FHIT: variants seen among roughly 807,000 people sequenced by gnomAD.
FHIT encodes the protein fragile histidine triad diadenosine triphosphatase.
Under a neutral mutation model 17.9 loss-of-function variants are expected in FHIT, and 19 were observed. That is an observed-to-expected ratio of 1.06 (90% CI 0.74 to 1.56). The LOEUF is 1.56. Among genes scored for constraint, FHIT ranks in the 40% most tolerant of loss-of-function variants. The probability of loss-of-function intolerance (pLI) is 0.00; values close to 1 mark genes in which losing one functional copy is unlikely to be tolerated. For synonymous variants in FHIT, 81 were observed against 69.7 expected (o/e 1.16, Z -0.81); for missense variants, 248 against 189.2 (o/e 1.31, Z -1.82).
At chr3:61,226,390 T>C (rs2039971589) in intron 1 of FHIT, among the ~76,000 whole-genome samples, 1 of 152,194 alleles carries the variant, frequency 6.6e-6, no homozygotes, top group African/African-American at 2.4e-5. Context: ...CTTCATGCCC[T>C]GATATGGTTA....
At chr3:60,275,997 T>TTC (rs904762733) in intron 5 of FHIT, among the ~76,000 whole-genome samples, 3 of 151,676 alleles carry the variant, frequency 2.0e-5, no homozygotes, top group Non-Finnish European at 4.4e-5. Flanking sequence ...TGCAATTTTT[T>TTC]TTTTTTTTGA....
Position 60,874,150 on chromosome 3 carries a change from C to T in FHIT, c.-110-52139G>A, listed in dbSNP as rs1353680610. Among the ~76,000 whole-genome samples, 2 of 152,022 alleles carry T rather than the reference C, an allele frequency of 1.3e-5. 1 individual carries two copies. Among genetic ancestry groups the T allele is most frequent in the African/African-American group, 4.8e-5 (2 of 41,396 alleles). ...TGAGTCATTTCCTCATCTATCTAGA[C>T]AAGGCTAATGGTAATACCTACATTG... On this transcript the variant is annotated intron_variant, in intron 3 of 9. Transcript: ENST00000492590.
intron 5 of FHIT, among the ~76,000 whole-genome samples, chr3:60,069,362 C>G (rs1318223666): frequency 6.6e-6 from 1 of 151,844 alleles, no homozygotes; most frequent in Admixed American, 6.6e-5. Context: ...TAGTTTAATC[C>G]CAACCTGTTA....
At chr3:60,287,907 A>G (rs1707802365) in intron 5 of FHIT, among the ~76,000 whole-genome samples, 2 of 125,016 alleles carry the variant, frequency 1.6e-5, no homozygotes, top group Non-Finnish European at 3.3e-5. Context: ...ATCTATTGCT[A>G]CTTGACAAAT....
At chr3:60,439,472 C>T (rs1198761680) in intron 5 of FHIT, among the ~76,000 whole-genome samples, 2 of 152,028 alleles carry the variant, frequency 1.3e-5, no homozygotes, top group Non-Finnish European at 2.9e-5. Flanking sequence ...CAAGCTCTAC[C>T]CACCCCGGTT....
intron 8 of FHIT, among the ~76,000 whole-genome samples, chr3:59,844,194 TC>T (rs1403919763): frequency 6.6e-6 from 1 of 152,186 alleles, no homozygotes; most frequent in African/African-American, 2.4e-5. Context: ...TTACTCTGTC[TC>T]AGGTATTCTT....
At position 60,198,572 on chromosome 3, in the gene FHIT, T is replaced by C. The variant is rs563726859; in HGVS notation, c.104-184420A>G. On this transcript the variant is annotated intron_variant, in intron 5 of 9. Coordinates refer to ENST00000492590, the MANE Select transcript of FHIT (RefSeq NM_002012.4). ...TCTTTTACTGGTATTCCAGGGAGACTGCCTGAACACATAATAGGCTCAGCA... is the reference window on the plus strand; with the variant it reads ...TCTTTTACTGGTATTCCAGGGAGACCGCCTGAACACATAATAGGCTCAGCA... 1.1e-3 allele frequency among the ~76,000 whole-genome samples: 175 copies of C among 152,250 alleles called. 1 individual carries two copies. Among genetic ancestry groups the C allele is most frequent in the African/African-American group, 4.0e-3 (165 of 41,550 alleles).
intron 8 of FHIT, among the ~76,000 whole-genome samples, chr3:59,826,956 T>C (rs1701000050): frequency 6.6e-6 from 1 of 152,180 alleles, no homozygotes; most frequent in South Asian, 2.1e-4. Flanking sequence ...TTTATATGCC[T>C]CCCTCAACAG....
At chr3:61,047,723 T>C (rs1216600661) in intron 2 of FHIT, among the ~76,000 whole-genome samples, 2 of 152,184 alleles carry the variant, frequency 1.3e-5, no homozygotes, top group East Asian at 3.8e-4. Flanking sequence ...GCTACCTGAC[T>C]TCAAACTATA....
intron 4 of FHIT, among the ~76,000 whole-genome samples, chr3:60,609,724 C>A (rs1200855170): frequency 3.3e-5 from 5 of 152,122 alleles, no homozygotes; most frequent in Admixed American, 2.6e-4. Flanking sequence ...TCCATCTGGG[C>A]ACCCTTCTTC....
intron 2 of FHIT, among the ~76,000 whole-genome samples, chr3:61,066,505 C>T (rs1489268634): frequency 2.6e-5 from 4 of 152,280 alleles, no homozygotes; most frequent in South Asian, 4.1e-4. Flanking sequence ...GTCCCAGCTA[C>T]TCAGGAAGCT....
chr3:60,590,474 G>C (rs1216598238), intron 4 of FHIT, among the ~76,000 whole-genome samples: 1 of 152,138 alleles, frequency 6.6e-6, no homozygotes, highest in African/African-American at 2.4e-5. Context: ...TTTTCATAGA[G>C]TCCATGCACT....
chr3:61,206,742 T>A (rs955707432), intron 1 of FHIT, among the ~76,000 whole-genome samples: 3 of 151,982 alleles, frequency 2.0e-5, no homozygotes, highest in African/African-American at 4.8e-5. Context: ...GTTTTCTAGA[T>A]ATACAATCAT....
At chr3:60,197,465 G>A (rs1435506654) in intron 5 of FHIT, among the ~76,000 whole-genome samples, 1 of 152,116 alleles carries the variant, frequency 6.6e-6, no homozygotes, top group Non-Finnish European at 1.5e-5. Context: ...AACAGTACTG[G>A]ATTAAAACAA....
chr3:60,734,457 C>T (rs1299315132), intron 4 of FHIT, among the ~76,000 whole-genome samples: 1 of 152,146 alleles, frequency 6.6e-6, no homozygotes, highest in African/African-American at 2.4e-5. Context: ...GGCTGGAGTG[C>T]AGTGATACCA....
intron 2 of FHIT, among the ~76,000 whole-genome samples, chr3:61,196,920 T>TA (rs1304114750): frequency 6.6e-6 from 1 of 152,134 alleles, no homozygotes; most frequent in Non-Finnish European, 1.5e-5. Context: ...CCCTGGCTAA[T>TA]ACAACAGAAA....
At chr3:61,174,831 A>G (rs1289646583) in intron 2 of FHIT, among the ~76,000 whole-genome samples, 1 of 152,222 alleles carries the variant, frequency 6.6e-6, no homozygotes, top group Non-Finnish European at 1.5e-5. Flanking sequence ...TACAATACAT[A>G]CTTGCAATGG....
At chr3:60,420,904 C>T (rs1702440975) in intron 5 of FHIT, among the ~76,000 whole-genome samples, 2 of 152,068 alleles carry the variant, frequency 1.3e-5, no homozygotes, top group Admixed American at 6.6e-5. Context: ...CTCTCCACCC[C>T]ACATCGTATT....
chr3:59,996,291 G>T (rs984756557), intron 7 of FHIT, among the ~76,000 whole-genome samples: 2 of 152,028 alleles, frequency 1.3e-5, no homozygotes, highest in Non-Finnish European at 2.9e-5. Flanking sequence ...CCATGAGTGA[G>T]AGAGACATTT....
Sources: gnomAD v4.1 joint callset for allele counts (sites outside exome capture counted in the v4.1 genomes callset) on GRCh38, gnomAD v4.1.1 for gene constraint, MANE v1.5 for transcripts, NCBI Gene and HGNC (gene_info 2026-07-23, HGNC 2026-07-21) for gene names.